Variants in KRABD5 observed in about 807,000 individuals in gnomAD.
KRABD5 encodes KRAB domain containing 5.
chr16:31,722,604 G>T, the KRABD5 span: 6 of 1,611,336 alleles, frequency 3.7e-6, no homozygotes, highest in Non-Finnish European at 5.1e-6. Context: ...CATGGTCAAT[G>T]TGCTATTTAT....
chr16:31,718,191 G>T, the KRABD5 span, among the ~76,000 whole-genome samples: 1 of 152,088 alleles, frequency 6.6e-6, no homozygotes, highest in Non-Finnish European at 1.5e-5. Context: ...TTGAACCCAG[G>T]TCCTGGGGTT....
At chr16:31,722,139 A>G in the KRABD5 span, among the ~76,000 whole-genome samples, 4 of 152,090 alleles carry the variant, frequency 2.6e-5, no homozygotes, top group Admixed American at 1.3e-4. Flanking sequence ...CAGTGGTGCA[A>G]TCTTGGCTCA....
the KRABD5 span, chr16:31,755,703 C>T: frequency 2.5e-6 from 1 of 407,430 alleles, no homozygotes; most frequent in South Asian, 1.8e-5. Flanking sequence ...AGTATTCATA[C>T]TAGAGAATTT....
At chr16:31,731,998 C>A in the KRABD5 span, among the ~76,000 whole-genome samples, 1 of 152,172 alleles carries the variant, frequency 6.6e-6, no homozygotes, top group South Asian at 2.1e-4. Flanking sequence ...GATCTTCAGG[C>A]CTGTCACCTG....
chr16:31,720,380 G>C, the KRABD5 span, among the ~76,000 whole-genome samples: 30 of 152,170 alleles, frequency 2.0e-4, no homozygotes, highest in African/African-American at 6.8e-4. Flanking sequence ...TGGGTCTTAA[G>C]CCAATTCATG....
chr16:31,754,196 T>C, the KRABD5 span: 1 of 678,742 alleles, frequency 1.5e-6, no homozygotes, highest in Non-Finnish European at 2.6e-6. Flanking sequence ...CAAATATTTC[T>C]GAAAAGGAGA....
At chr16:31,759,338 A>G in the KRABD5 span, 1 of 1,535,226 alleles carries the variant, frequency 6.5e-7, no homozygotes, top group Non-Finnish European at 8.8e-7. Context: ...TACTTTATGT[A>G]TTTTGTATTT....
At chr16:31,713,491 C>G in the KRABD5 span, 2 of 1,573,924 alleles carry the variant, frequency 1.3e-6, no homozygotes, top group Non-Finnish European at 1.7e-6. Flanking sequence ...TCGGAAGCGG[C>G]GGGAACCCTC....
At chr16:31,723,468 C>T in the KRABD5 span, 41 of 1,033,970 alleles carry the variant, frequency 4.0e-5, no homozygotes, top group Non-Finnish European at 2.7e-6. Context: ...TTTTGAGACA[C>T]CTGGGTTTAT....
the KRABD5 span, among the ~76,000 whole-genome samples, chr16:31,735,411 T>C: frequency 1.5e-3 from 223 of 152,316 alleles, 3 homozygotes; most frequent in East Asian, 0.04. Flanking sequence ...TGATTTCCTT[T>C]CTTTTGGATA....
chr16:31,740,154 C>G, the KRABD5 span, among the ~76,000 whole-genome samples: 14 of 152,288 alleles, frequency 9.2e-5, no homozygotes, highest in African/African-American at 3.4e-4. Context: ...TGCTATATTT[C>G]TGTGTGTGTG....
the KRABD5 span, among the ~76,000 whole-genome samples, chr16:31,749,417 GC>G: frequency 6.6e-6 from 1 of 152,222 alleles, no homozygotes; most frequent in Non-Finnish European, 1.5e-5. Flanking sequence ...GCTGGCTACT[GC>G]CCCTCTGCCA....
the KRABD5 span, among the ~76,000 whole-genome samples, chr16:31,715,804 A>G: frequency 6.6e-6 from 1 of 152,148 alleles, no homozygotes; most frequent in Non-Finnish European, 1.5e-5. Flanking sequence ...AGTGTCATAA[A>G]AAAGATAGCA....
the KRABD5 span, among the ~76,000 whole-genome samples, chr16:31,719,964 G>A: frequency 6.6e-6 from 1 of 152,118 alleles, no homozygotes; most frequent in Non-Finnish European, 1.5e-5. Context: ...TCTATAGTTA[G>A]CTTTTATAGT....
At chr16:31,722,713 G>T in the KRABD5 span, 1 of 1,611,926 alleles carries the variant, frequency 6.2e-7, no homozygotes, top group South Asian at 1.1e-5. Flanking sequence ...TTTATATGGG[G>T]ATGTGATGTT....
chr16:31,724,178 A>G, the KRABD5 span, among the ~76,000 whole-genome samples: 12 of 151,996 alleles, frequency 7.9e-5, no homozygotes, highest in Admixed American at 1.3e-4. Flanking sequence ...TGTGTTCTTT[A>G]TGTTCGTTTT....
chr16:31,755,682 C>T, the KRABD5 span: 14 of 454,056 alleles, frequency 3.1e-5, no homozygotes, highest in African/African-American at 6.1e-5. Flanking sequence ...TCAACCCTTA[C>T]TCGACATAAA....
At chr16:31,713,363 T>A in the KRABD5 span, 1 of 1,577,062 alleles carries the variant, frequency 6.3e-7, no homozygotes, top group Non-Finnish European at 8.6e-7. Context: ...ACAGAACCTC[T>A]GTTACTCTGT....
chr16:31,737,872 A>G, the KRABD5 span, among the ~76,000 whole-genome samples: 1 of 152,144 alleles, frequency 6.6e-6, no homozygotes, highest in African/African-American at 2.4e-5. Flanking sequence ...AGTTCCATTA[A>G]TATTTTGATG....
Sources: allele counts gnomAD v4.1 joint callset (sites outside exome capture counted in the v4.1 genomes callset), GRCh38; gene constraint gnomAD v4.1.1; transcripts MANE v1.5; gene names NCBI Gene and HGNC (gene_info 2026-07-23, HGNC 2026-07-21).